Variants in TRPC5 observed in about 807,000 individuals in gnomAD.
TRPC5 encodes short transient receptor potential channel 5.
TRPC5 carries 9 observed loss-of-function variants against 56.5 expected under a neutral mutation model. The ratio of observed to expected loss-of-function variants is 0.16; its 90% CI spans 0.10 to 0.28. The LOEUF is 0.28. Ranked by LOEUF, TRPC5 falls within the 10% of genes least tolerant of loss-of-function variation. TRPC5 has a pLI of 1.00. For synonymous variants in TRPC5, 282 were observed against 278.5 expected, an observed-to-expected ratio of 1.01 and a Z score of -0.13; for missense variants, 469 against 748.9, an observed-to-expected ratio of 0.63 and a Z score of 4.36.
chrX:111,919,055 A>T (rs754454428), intron 2 of TRPC5, among the ~76,000 whole-genome samples: 1 of 111,685 alleles, frequency 9.0e-6, no homozygotes, highest in Admixed American at 9.5e-5. Flanking sequence ...GCAGATGATC[A>T]GGAGATGGAA....
intron 1 of TRPC5, among the ~76,000 whole-genome samples, chrX:112,054,402 G>T (rs936690287): frequency 6.3e-5 from 7 of 111,242 alleles, no homozygotes; most frequent in African/African-American, 2.3e-4. Context: ...GTTGCAGTTA[G>T]GGTGCTGGAG....
chrX:111,967,943 C>T (rs757370396), intron 1 of TRPC5, among the ~76,000 whole-genome samples: 1 of 110,607 alleles, frequency 9.0e-6, no homozygotes, highest in South Asian at 3.8e-4. Context: ...ACACCAAAAG[C>T]AATGGCAACC....
chrX:112,019,466 C>T (rs1929212364), intron 1 of TRPC5, among the ~76,000 whole-genome samples: 1 of 108,428 alleles, frequency 9.2e-6, no homozygotes, highest in Non-Finnish European at 1.9e-5. Context: ...GATGGAATCT[C>T]GCTCTGTCGC....
intron 7 of TRPC5, among the ~76,000 whole-genome samples, chrX:111,801,937 A>G (rs1251524944): frequency 8.9e-6 from 1 of 111,883 alleles, no homozygotes; most frequent in African/African-American, 3.2e-5. Context: ...TTCCAGTGTC[A>G]TATCTGTGAA....
Position 111,771,641 on chromosome X carries a change from T to C in TRPC5, c.*4672A>G, listed in dbSNP as rs1487687033. On this transcript the variant is annotated 3_prime_UTR_variant, in exon 11 of 11. Coordinates refer to ENST00000262839, the MANE Select transcript of TRPC5 (RefSeq NM_012471.3). ...AAATCCTAGGCCACGTACCAGCATATGAATGAATATTAACACCTCAAGTAT... is the reference window on the plus strand; with the variant it reads ...AAATCCTAGGCCACGTACCAGCATACGAATGAATATTAACACCTCAAGTAT... Among the ~76,000 whole-genome samples the C allele has an allele frequency of 8.9e-6, 1 of 111,773 alleles. No individual in the cohort carries two copies. Among genetic ancestry groups the C allele is most frequent in the Non-Finnish European group, 1.9e-5 (1 of 53,179 alleles).
At chrX:111,843,502 A>T (rs1344492046) in intron 6 of TRPC5, among the ~76,000 whole-genome samples, 2 of 111,699 alleles carry the variant, frequency 1.8e-5, no homozygotes, top group African/African-American at 6.5e-5. Context: ...GAGGATGGGT[A>T]TTCCATTCAG....
intron 1 of TRPC5, among the ~76,000 whole-genome samples, chrX:112,043,894 G>C (rs1291950770): frequency 2.7e-5 from 3 of 111,304 alleles, no homozygotes; most frequent in African/African-American, 9.8e-5. Context: ...AAAATATTTA[G>C]AGTAAAGTGG....
At position 111,768,117 on chromosome X, in the gene TRPC5, G is replaced by C. The variant is rs1418085991; in HGVS notation, c.*8196C>G. On this transcript the variant is annotated 3_prime_UTR_variant, in exon 11 of 11. Coordinates refer to ENST00000262839, the MANE Select transcript of TRPC5 (RefSeq NM_012471.3). ...TTTTTAATACATTAAGATTGACACT[G>C]TGCACTTACAGAAAGTGTTTAAATA... Among the ~76,000 whole-genome samples the C allele has an allele frequency of 8.9e-6, 1 of 112,239 alleles. No homozygotes were observed. The highest frequency in any genetic ancestry group is 3.2e-5 in the African/African-American group (1 of 30,940).
chrX:111,779,818 C>T (rs1191841488), intron 9 of TRPC5, among the ~76,000 whole-genome samples: 1 of 112,121 alleles, frequency 8.9e-6, no homozygotes, highest in Non-Finnish European at 1.9e-5. Context: ...TTTGATTCTA[C>T]TTCAGTCTGA....
chrX:111,915,061 TTC>T (rs34462597), intron 2 of TRPC5, among the ~76,000 whole-genome samples: 14 of 106,980 alleles, frequency 1.3e-4, no homozygotes, highest in Admixed American at 2.0e-4. Context: ...CTCGCTCTCT[TTC>T]TCTCTCTCTC....
chrX:111,925,601 C>T (rs767034), intron 2 of TRPC5, among the ~76,000 whole-genome samples: 17,323 of 111,262 alleles, frequency 0.16, 1,516 homozygotes, highest in African/African-American at 0.34. Context: ...ATTGGTGAGC[C>T]AAACCCAGTT....
intron 1 of TRPC5, among the ~76,000 whole-genome samples, chrX:111,967,177 A>C (rs1477063502): frequency 6.3e-5 from 7 of 111,383 alleles, no homozygotes; most frequent in African/African-American, 9.8e-5. Context: ...CATTCTTATA[A>C]ACCAATAACA....
intron 1 of TRPC5, among the ~76,000 whole-genome samples, chrX:111,982,571 G>C (rs1158277553): frequency 9.0e-6 from 1 of 111,696 alleles, no homozygotes; most frequent in Non-Finnish European, 1.9e-5. Context: ...TCATTATGGA[G>C]TAGTAGTTCA....
intron 7 of TRPC5, among the ~76,000 whole-genome samples, chrX:111,821,838 C>T (rs2148570667): frequency 9.0e-6 from 1 of 111,513 alleles, no homozygotes; most frequent in South Asian, 3.8e-4. Flanking sequence ...AGAGAACATT[C>T]AGAGACCAAT....
At chrX:111,838,804 G>C (rs1003469326) in intron 6 of TRPC5, among the ~76,000 whole-genome samples, 4 of 111,656 alleles carry the variant, frequency 3.6e-5, no homozygotes, top group Admixed American at 2.9e-4. Flanking sequence ...AAGTAGAACA[G>C]AGATGGGAAC....
At chrX:112,024,065 C>T (rs1053041845) in intron 1 of TRPC5, among the ~76,000 whole-genome samples, 2 of 111,533 alleles carry the variant, frequency 1.8e-5, no homozygotes, top group Non-Finnish European at 3.8e-5. Flanking sequence ...AACCTGCCTG[C>T]TTGGAGATGC....
At chrX:111,836,260 T>G (rs1350840499) in intron 6 of TRPC5, among the ~76,000 whole-genome samples, 1 of 112,177 alleles carries the variant, frequency 8.9e-6, no homozygotes, top group African/African-American at 3.2e-5. Context: ...ATGCAGCCAG[T>G]TCGTGGGTGG....
intron 1 of TRPC5, among the ~76,000 whole-genome samples, chrX:112,050,111 G>T (rs1930176764): frequency 8.9e-6 from 1 of 112,270 alleles, no homozygotes; most frequent in Admixed American, 9.4e-5. Flanking sequence ...GGTAGGCGGA[G>T]GTTTCAGTGA....
chrX:111,811,383 T>C (rs1320944978), intron 7 of TRPC5, among the ~76,000 whole-genome samples: 2 of 112,746 alleles, frequency 1.8e-5, no homozygotes, highest in African/African-American at 6.4e-5. Flanking sequence ...ACAATTTCAA[T>C]ATATAAATTT....
Sources: gnomAD v4.1 joint callset for allele counts (sites outside exome capture counted in the v4.1 genomes callset) on GRCh38, gnomAD v4.1.1 for gene constraint, MANE v1.5 for transcripts, NCBI Gene and HGNC (gene_info 2026-07-23, HGNC 2026-07-21) for gene names.